Variants in PAK1 observed in about 807,000 individuals in gnomAD.
PAK1 encodes the protein p21 (RAC1) activated kinase 1, also known as serine/threonine-protein kinase PAK 1.
PAK1 carries 29 observed loss-of-function variants against 67.4 expected under a neutral mutation model. The observed-to-expected ratio is 0.43, with a 90% confidence interval of 0.32 to 0.59. PAK1 has a LOEUF of 0.59. PAK1 is among the 20% of genes least tolerant of loss of function. The pLI is 0.07. For synonymous variants in PAK1, 223 were observed against 237.4 expected (o/e 0.94, Z 0.56); for missense variants, 337 against 670.7 (o/e 0.50, Z 5.50).
At chr11:77,379,014 T>C (rs548086015) in intron 4 of PAK1, among the ~76,000 whole-genome samples, 5 of 152,212 alleles carry the variant, frequency 3.3e-5, no homozygotes, top group Non-Finnish European at 7.3e-5. Flanking sequence ...TCTCTCTATA[T>C]AATACCATGC....
In PAK1 at chr11:77,379,239, A is replaced by G; in HGVS notation, c.439+2T>C. On this transcript the variant is annotated splice_donor_variant, in intron 4 of 14. Transcript: ENST00000356341. LOFTEE classifies it high-confidence loss of function. ...AGACTGCCCTGGACGCAGTTCTCAT[A>G]CCTGTAAAGCTCATGTATTTCTGGC... 1 of 1,610,014 alleles carries G rather than the reference A, an allele frequency of 6.2e-7. No homozygotes were observed. The highest frequency in any genetic ancestry group is 8.5e-7 in the Non-Finnish European group (1 of 1,177,858).
chr11:77,507,820 C>A, the PAK1 span, among the ~76,000 whole-genome samples: 1 of 152,216 alleles, frequency 6.6e-6, no homozygotes. Flanking sequence ...GCCACCACAC[C>A]TGGCTCCCCA....
intron 1 of PAK1, among the ~76,000 whole-genome samples, chr11:77,445,920 C>A (rs994094218): frequency 6.6e-6 from 1 of 152,182 alleles, no homozygotes. Context: ...ACCCCACCCC[C>A]ACTATACAAT....
the PAK1 span, among the ~76,000 whole-genome samples, chr11:77,489,238 T>C: frequency 1.3e-5 from 2 of 152,234 alleles, no homozygotes; most frequent in Admixed American, 1.3e-4. Context: ...GCAGCCTTAT[T>C]CAAAATAGCC....
At chr11:77,367,413 G>T (rs1947752848) in intron 5 of PAK1, among the ~76,000 whole-genome samples, 1 of 151,970 alleles carries the variant, frequency 6.6e-6, no homozygotes, top group Non-Finnish European at 1.5e-5. Context: ...GGGCCACCTG[G>T]AAAAAACAGA....
chr11:77,422,422 A>T (rs1283622151), intron 1 of PAK1, among the ~76,000 whole-genome samples: 5 of 152,022 alleles, frequency 3.3e-5, no homozygotes, highest in African/African-American at 1.2e-4. Context: ...TTAGCCAGGC[A>T]TGGTGGCAGG....
chr11:77,396,102 CA>C (rs780571977), intron 1 of PAK1, among the ~76,000 whole-genome samples: 6 of 152,206 alleles, frequency 3.9e-5, no homozygotes, highest in Non-Finnish European at 8.8e-5. Flanking sequence ...ACAAAGGTTT[CA>C]CCAACCTTCC....
chr11:77,330,051 A>C (rs1300000878), intron 14 of PAK1, among the ~76,000 whole-genome samples: 19 of 152,142 alleles, frequency 1.2e-4, no homozygotes, highest in Non-Finnish European at 2.8e-4. Context: ...CAAAGAGAAT[A>C]AAATACCTAG....
rs1274599035 is a variant in PAK1, at chr11:77,374,382, A to C, written c.440-17T>G. Reference sequence around the variant, plus strand: ...CTGACTTATCTGCACAGGAAGAAAAACAAGGGACTTAGTCAATAACAGTTA... The same window carrying C: ...CTGACTTATCTGCACAGGAAGAAAACCAAGGGACTTAGTCAATAACAGTTA... On this transcript the variant is annotated splice_polypyrimidine_tract_variant and intron_variant, in intron 4 of 14. Coordinates refer to ENST00000356341, the MANE Select transcript of PAK1 (RefSeq NM_002576.5). 1 of 1,572,692 alleles carries C rather than the reference A, an allele frequency of 6.4e-7. No individual in the cohort carries two copies.
intron 1 of PAK1, among the ~76,000 whole-genome samples, chr11:77,469,527 A>T (rs1233826211): frequency 6.6e-6 from 1 of 152,118 alleles, no homozygotes; most frequent in Non-Finnish European, 1.5e-5. Flanking sequence ...TACTATCCCC[A>T]TTTTACAGTT....
chr11:77,477,908 G>A (rs550083509), upstream of PAK1, among the ~76,000 whole-genome samples: 6 of 152,242 alleles, frequency 3.9e-5, no homozygotes, highest in South Asian at 2.1e-4. Flanking sequence ...AGGAAACAGC[G>A]TGAAACCGTG....
chr11:77,480,521 G>GTTTTTT, the PAK1 span, among the ~76,000 whole-genome samples: 3 of 121,312 alleles, frequency 2.5e-5, no homozygotes, highest in African/African-American at 9.8e-5. Flanking sequence ...AACCACCATG[G>GTTTTTT]TTTTTTTTTT....
intron 4 of PAK1, among the ~76,000 whole-genome samples, chr11:77,375,224 A>G (rs1948940129): frequency 3.3e-5 from 5 of 152,236 alleles, no homozygotes; most frequent in Admixed American, 3.3e-4. Context: ...CTGTATCCAC[A>G]TCATCAGCTA....
chr11:77,475,812 C>G (rs1366485355), upstream of PAK1: 1 of 152,194 alleles, frequency 6.6e-6, no homozygotes, highest in Non-Finnish European at 1.5e-5. Context: ...AGTCATATTC[C>G]TTTCCATATC....
chr11:77,420,911 C>T (rs983724851), intron 1 of PAK1, among the ~76,000 whole-genome samples: 1 of 152,194 alleles, frequency 6.6e-6, no homozygotes, highest in African/African-American at 2.4e-5. Context: ...AAGAATTATC[C>T]TGCCCAAAAT....
At chr11:77,358,835 A>G in intron 6 of PAK1, 63 bp downstream of exon 6, 1 of 1,567,160 alleles carries the variant, frequency 6.4e-7, no homozygotes, top group African/African-American at 1.4e-5. Context: ...ATCAGCACCA[A>G]CTCCTCCCTC....
At chr11:77,466,168 G>A (rs757052705) in intron 1 of PAK1, among the ~76,000 whole-genome samples, 5 of 152,162 alleles carry the variant, frequency 3.3e-5, no homozygotes, top group Non-Finnish European at 5.9e-5. Flanking sequence ...GCAGGGAGTA[G>A]GTGAGAAGGT....
At chr11:77,385,507 T>A (rs548879573) in intron 2 of PAK1, among the ~76,000 whole-genome samples, 1 of 152,344 alleles carries the variant, frequency 6.6e-6, no homozygotes, top group East Asian at 1.9e-4. Flanking sequence ...AAGATATTTG[T>A]AACATATATA....
the PAK1 span, among the ~76,000 whole-genome samples, chr11:77,523,713 C>T: frequency 1.3e-5 from 2 of 152,116 alleles, no homozygotes; most frequent in Non-Finnish European, 2.9e-5. Context: ...CCACCACACC[C>T]GGCCTCTTCA....
Sources: gnomAD v4.1 joint callset for allele counts (sites outside exome capture counted in the v4.1 genomes callset) on GRCh38, gnomAD v4.1.1 for gene constraint, MANE v1.5 for transcripts, NCBI Gene and HGNC (gene_info 2026-07-23, HGNC 2026-07-21) for gene names.